The following LRP6 variants were observed in gnomAD, a reference collection of about 807,000 sequenced individuals.
The protein encoded by LRP6 is low-density lipoprotein receptor-related protein 6.
Under a neutral mutation model 184.1 loss-of-function variants are expected in LRP6, and 43 were observed. That is an observed-to-expected ratio of 0.23 (90% confidence interval 0.18 to 0.30). The LOEUF (loss-of-function observed/expected upper bound fraction) is 0.30. Ranked by LOEUF, LRP6 falls within the 10% of genes least tolerant of loss-of-function variation. LRP6 has a pLI of 1.00. For missense variants in LRP6, 1,571 were observed against 2,005.3 expected (o/e 0.78, Z 4.14); for synonymous variants, 719 against 684.9 (o/e 1.05, Z -0.78).
intron 3 of LRP6, among the ~76,000 whole-genome samples, chr12:12,190,371 T>TA (rs1863580948): frequency 1.3e-5 from 2 of 151,984 alleles, no homozygotes; most frequent in South Asian, 4.2e-4. Flanking sequence ...TAACAGAAAC[T>TA]AAAAAATGGA....
chr12:12,220,098 G>T (rs970904038), intron 2 of LRP6, among the ~76,000 whole-genome samples: 4 of 152,042 alleles, frequency 2.6e-5, no homozygotes, highest in Admixed American at 2.6e-4. Flanking sequence ...GACCAGACAG[G>T]CCAACATGGT....
At chr12:12,193,182 AG>A (rs948536781) in intron 3 of LRP6, among the ~76,000 whole-genome samples, 1 of 151,988 alleles carries the variant, frequency 6.6e-6, no homozygotes, top group African/African-American at 2.4e-5. Flanking sequence ...TTACAATAAA[AG>A]TTTTTAAATA....
chr12:12,204,266 A>G (rs1863990157), intron 2 of LRP6, among the ~76,000 whole-genome samples: 3 of 137,454 alleles, frequency 2.2e-5, no homozygotes, highest in Non-Finnish European at 3.1e-5. Context: ...GACAATATCA[A>G]TGTCATAAAA....
chr12:12,257,051 G>C (rs530553111), intron 1 of LRP6, among the ~76,000 whole-genome samples: 4 of 152,268 alleles, frequency 2.6e-5, no homozygotes, highest in African/African-American at 9.6e-5. Flanking sequence ...GAAATATTCA[G>C]AGTAAGCAAA....
chr12:12,266,066 T>C (rs1242558717), intron 1 of LRP6, among the ~76,000 whole-genome samples: 1 of 152,138 alleles, frequency 6.6e-6, no homozygotes, highest in African/African-American at 2.4e-5. Context: ...TTTATTTTAT[T>C]ATGGGCTGAA....
At chr12:12,249,493 TTCC>T (rs1374895417) in intron 1 of LRP6, 2 of 636,330 alleles carry the variant, frequency 3.1e-6, no homozygotes, top group Non-Finnish European at 5.6e-6. Context: ...CCACAGGCCC[TTCC>T]TCTTCCCCCT....
At position 12,169,234 on chromosome 12, in the gene LRP6, G is replaced by GATA. The variant is rs544964479; in HGVS notation, c.1546-3942_1546-3940dup. Among the ~76,000 whole-genome samples the GATA allele has an allele frequency of 3.8e-3, 565 of 148,734 alleles. 2 individuals carry two copies. The highest frequency in any genetic ancestry group is 0.011 in the East Asian group (56 of 5,124). ...ACAAGAGCAAACTCTGCCTCAAAAT[G>GATA]ATAATAATAATAATAATAATAATAA... On this transcript the variant is annotated intron_variant, in intron 7 of 22. Transcript: ENST00000261349.
intron 5 of LRP6, among the ~76,000 whole-genome samples, chr12:12,183,124 CT>C (rs1459651142): frequency 6.6e-6 from 1 of 152,194 alleles, no homozygotes; most frequent in Non-Finnish European, 1.5e-5. Context: ...AACAAACATC[CT>C]GTACACAGAC....
intron 3 of LRP6, among the ~76,000 whole-genome samples, chr12:12,201,245 C>T (rs1421830324): frequency 1.3e-5 from 2 of 152,054 alleles, no homozygotes; most frequent in African/African-American, 2.4e-5. Flanking sequence ...TTATTCTATC[C>T]TATTCAATTT....
chr12:12,169,816 A>G (rs984075783), intron 7 of LRP6, among the ~76,000 whole-genome samples: 2 of 152,328 alleles, frequency 1.3e-5, no homozygotes, highest in African/African-American at 2.4e-5. Context: ...ATTCATGTCT[A>G]TTTCAAGTTA....
intron 2 of LRP6, among the ~76,000 whole-genome samples, chr12:12,227,279 C>A (rs182349355): frequency 1.3e-5 from 2 of 151,912 alleles, no homozygotes; most frequent in East Asian, 3.9e-4. Flanking sequence ...AGTAGACCTG[C>A]GTTTTAAGAA....
chr12:12,257,102 G>C (rs1218024253), intron 1 of LRP6, among the ~76,000 whole-genome samples: 1 of 152,172 alleles, frequency 6.6e-6, no homozygotes, highest in Non-Finnish European at 1.5e-5. Context: ...ACCAGAGGCT[G>C]AGGGAAGGGA....
intron 3 of LRP6, 105 bp from the exon 4 acceptor site, chr12:12,187,224 A>C: frequency 1.1e-6 from 1 of 888,290 alleles, no homozygotes; most frequent in Non-Finnish European, 1.8e-6. Context: ...TAACACATAC[A>C]AATCTTGAGT....
chr12:12,209,860 G>A (rs1262379718), intron 2 of LRP6, among the ~76,000 whole-genome samples: 5 of 152,148 alleles, frequency 3.3e-5, no homozygotes, highest in Admixed American at 3.3e-4. Context: ...CAAGTATATT[G>A]AGGAAGGTAT....
At chr12:12,221,557 T>C (rs1375104008) in intron 2 of LRP6, among the ~76,000 whole-genome samples, 1 of 152,168 alleles carries the variant, frequency 6.6e-6, no homozygotes, top group African/African-American at 2.4e-5. Flanking sequence ...TTTTAAAATA[T>C]CCATTATGTG....
Position 12,126,876 on chromosome 12 carries a change from G to A in LRP6, c.4127C>T (p.Ser1376Phe), listed in dbSNP as rs1222556583. 1 of 1,613,974 alleles carries A rather than the reference G, an allele frequency of 6.2e-7. No individual in the cohort carries two copies. Among genetic ancestry groups the A allele is most frequent in the Non-Finnish European group, 8.5e-7 (1 of 1,179,988 alleles). ...AATGGTGACAATTACGCCAATAACA[G>A]AACCAACTGTATTGGTGGCCTGTGG... ...PAPQATNTVG[S>F]VIGVIVTIFV... Residue 1376 changes from serine to phenylalanine, a missense_variant, in exon 20 of 23, where the codon TCT (serine) becomes TTT (phenylalanine). Ser to Phe is a radical substitution (Grantham distance 155). Around this residue, in one of 4 missense-constraint regions of LRP6, gnomAD observed 763 missense variants for 859.5 expected, o/e 0.89. Coordinates refer to ENST00000261349, the MANE Select transcript of LRP6 (RefSeq NM_002336.3).
intron 17 of LRP6, among the ~76,000 whole-genome samples, chr12:12,134,425 T>A (rs1441646475): frequency 5.3e-5 from 8 of 152,150 alleles, no homozygotes; most frequent in Admixed American, 3.9e-4. Context: ...AAGGAGGATA[T>A]CTGAATTAAG....
intron 2 of LRP6, among the ~76,000 whole-genome samples, chr12:12,208,295 T>TAA (rs1286741389): frequency 1.4e-4 from 21 of 152,180 alleles, no homozygotes; most frequent in Non-Finnish European, 8.8e-5. Flanking sequence ...TAAAGGGGCT[T>TAA]AAGGCACCTT....
chr12:12,230,662 G>A (rs1864759805), intron 2 of LRP6, among the ~76,000 whole-genome samples: 1 of 152,074 alleles, frequency 6.6e-6, no homozygotes, highest in South Asian at 2.1e-4. Flanking sequence ...GTACATGAAA[G>A]AATAGACAAT....
Sources: gnomAD v4.1 joint callset for allele counts (sites outside exome capture counted in the v4.1 genomes callset) on GRCh38, gnomAD v4.1.1 for gene constraint, gnomAD v4.1.1 regional missense constraint, MANE v1.5 for transcripts, NCBI Gene and HGNC (gene_info 2026-07-23, HGNC 2026-07-21) for gene names.